Variants in NPTXR observed in about 807,000 individuals in gnomAD.
The protein encoded by NPTXR is neuronal pentraxin receptor.
A neutral mutation model predicts 32.2 loss-of-function variants in NPTXR; 12 were observed. The ratio of observed to expected loss-of-function variants is 0.37; its 90% CI spans 0.24 to 0.60. NPTXR has a LOEUF of 0.60. Among genes scored for constraint, NPTXR ranks in the 20% least tolerant of loss-of-function variants. The pLI is 0.66. For missense variants in NPTXR, 612 were observed against 682.9 expected, an observed-to-expected ratio of 0.90 and a Z score of 1.16; for synonymous variants, 323 against 315.8, an observed-to-expected ratio of 1.02 and a Z score of -0.24.
At chr22:38,840,348 T>A (rs1341639363) in intron 1 of NPTXR, among the ~76,000 whole-genome samples, 1 of 151,876 alleles carries the variant, frequency 6.6e-6, no homozygotes, top group African/African-American at 2.4e-5. Context: ...AGGAATGAAC[T>A]GAGAGAGGGG....
At chr22:38,830,863 G>T (rs565823098) in intron 1 of NPTXR, among the ~76,000 whole-genome samples, 1 of 152,192 alleles carries the variant, frequency 6.6e-6, no homozygotes, top group South Asian at 2.1e-4. Context: ...GGAGAGGGGG[G>T]ACTCTGGCCA....
In NPTXR at chr22:38,836,868, G is replaced by A. The variant is rs181345353; in HGVS notation, c.624+6367C>T. ...CTTGCTCTGTCGCCCAGGCTGTAGT[G>A]CAGTGGTGCAATCTCAGCTCACTGC... On this transcript the variant is annotated intron_variant, in intron 1 of 4. Coordinates refer to ENST00000333039, the MANE Select transcript of NPTXR (RefSeq NM_014293.4). 2.5e-3 allele frequency among the ~76,000 whole-genome samples: 377 copies of A among 152,282 alleles called. 1 individual carries two copies. The highest frequency in any genetic ancestry group is 0.02 in the Middle Eastern group (6 of 294).
rs1186996006 is a variant in NPTXR, at chr22:38,819,339, A to G, written c.*3270T>C. The G allele has an allele frequency of 1.3e-5, 2 of 152,354 alleles. No homozygotes were observed. Among genetic ancestry groups the G allele is most frequent in the African/African-American group, 4.8e-5 (2 of 41,460 alleles). 9.4% of individuals were successfully genotyped at this position (152,354 alleles called of 1,614,324 possible). ...CTCTGGCCCATGGTGGGAGGGACAC[A>G]TTCCCTGAAGCAGCTGAGCCCCCTG... is the stretch of plus-strand genomic sequence containing the variant. On this transcript the variant is annotated 3_prime_UTR_variant, in exon 5 of 5. Transcript: ENST00000333039.
At chr22:38,825,729 G>A (rs1158236349) in intron 3 of NPTXR, among the ~76,000 whole-genome samples, 1 of 152,112 alleles carries the variant, frequency 6.6e-6, no homozygotes, top group African/African-American at 2.4e-5. Context: ...TCCATAGCGG[G>A]GAGGGCCCGA....
At position 38,843,374 on chromosome 22, in the gene NPTXR, T is replaced by C; in HGVS notation, c.485A>G (p.Glu162Gly). 1 of 1,411,364 alleles carries C rather than the reference T, an allele frequency of 7.1e-7. No individual in the cohort carries two copies. Among genetic ancestry groups the C allele is most frequent in the Non-Finnish European group, 9.2e-7 (1 of 1,091,698 alleles). The allele number at this position is 1,411,364 out of a possible 1,614,324, so 87.4% of individuals were successfully genotyped here. ...CTGGAGGCCGCGCGGCAGGCCGCTC[T>C]CGCAGCGGCCCAGCTTGCCGGTGAG... The change falls in exon 1 of 5, where the codon GAG (glutamate) becomes GGG (glycine). Residue 162 changes from glutamate to glycine, a missense_variant. Transcript: ENST00000333039. This position sits in a 1 kb window ranked among gnomAD's most constrained non-coding sequence, Gnocchi z 5.3.
intron 3 of NPTXR, among the ~76,000 whole-genome samples, chr22:38,824,834 G>A (rs1603244792): frequency 6.6e-6 from 1 of 152,098 alleles, no homozygotes; most frequent in Middle Eastern, 3.4e-3. Flanking sequence ...GGTTTATTGG[G>A]CCACAAGGGA....
chr22:38,829,195 G>C (rs564056655), intron 1 of NPTXR, among the ~76,000 whole-genome samples: 1 of 152,352 alleles, frequency 6.6e-6, no homozygotes, highest in South Asian at 2.1e-4. Flanking sequence ...TTGGAGAGTT[G>C]TGGGGAGGAC....
intron 3 of NPTXR, among the ~76,000 whole-genome samples, chr22:38,825,670 T>A (rs1237672544): frequency 6.6e-6 from 1 of 151,910 alleles, no homozygotes; most frequent in Admixed American, 6.6e-5. Flanking sequence ...GAACCAAGAC[T>A]CAAACCAGCA....
chr22:38,843,518 CCCG>C lies in NPTXR; in HGVS notation c.338_340del (p.Ala113del). ...CTCTTCGCGCTCGCCCGGCGCAGCG[CCCG>C]CCGCGTCCCCCTGCTGGGCCCCCGA... On this transcript the variant is annotated inframe_deletion, in exon 1 of 5. Coordinates refer to ENST00000333039, the MANE Select transcript of NPTXR (RefSeq NM_014293.4). This position sits in a 1 kb window ranked among gnomAD's most constrained non-coding sequence, Gnocchi z 5.3. 7.9e-7 allele frequency: 1 copy of C among 1,270,538 alleles called. No homozygotes were observed. The highest frequency in any genetic ancestry group is 9.9e-7 in the Non-Finnish European group (1 of 1,009,744). 78.7% of individuals were successfully genotyped at this position (1,270,538 alleles called of 1,614,324 possible).
chr22:38,838,198 T>C (rs886518320), intron 1 of NPTXR, among the ~76,000 whole-genome samples: 2 of 135,986 alleles, frequency 1.5e-5, no homozygotes, highest in Non-Finnish European at 3.0e-5. Context: ...GTTTCGGGCG[T>C]ATCTGGCCTG....
Position 38,823,172 on chromosome 22 carries a change from G to C in NPTXR, c.1189C>G (p.Gln397Glu). The change falls in exon 4 of 5, where the codon CAG (glutamine) becomes GAG (glutamate). Residue 397 changes from glutamine (Q) to glutamate (E), a missense_variant. Transcript: ENST00000333039. ...CCGGAGCCCTGCAGCTCCCCGTCCT[G>C]GTAGGCAGACCATAGGCCATCCCTT... The C allele has an allele frequency of 1.2e-6, 2 of 1,614,092 alleles. No individual in the cohort carries two copies. The highest frequency in any genetic ancestry group is 1.7e-6 in the Non-Finnish European group (2 of 1,180,024).
intron 3 of NPTXR, among the ~76,000 whole-genome samples, chr22:38,824,330 C>T (rs933062242): frequency 6.6e-6 from 1 of 152,034 alleles, no homozygotes. Context: ...CTGAGGCCTA[C>T]GTGGTGCCTG....
At position 38,822,528 on chromosome 22, in the gene NPTXR, G is replaced by A. The variant is rs996809152; in HGVS notation, c.*81C>T. The A allele has an allele frequency of 1.2e-5, 15 of 1,255,956 alleles. No homozygotes were observed. In the African/African-American group the frequency reaches 2.1e-4, roughly 17 times the overall value. 77.8% of individuals were successfully genotyped at this position (1,255,956 alleles called of 1,614,324 possible). On this transcript the variant is annotated 3_prime_UTR_variant, in exon 5 of 5. Transcript: ENST00000333039. ...GGGGCAGGAGGGAAGGCCAGTGCGTGGGCAGGCTGAGGAGGGAATATGACC... is the reference window on the plus strand; with the variant it reads ...GGGGCAGGAGGGAAGGCCAGTGCGTAGGCAGGCTGAGGAGGGAATATGACC...
In NPTXR at chr22:38,843,331, G is replaced by C; in HGVS notation, c.528C>G (p.Arg176=). The stretch of plus-strand genomic sequence containing the variant: ...CCCAGGGCCCGTCGGCCATGGTGTC[G>C]CGGCGGGGCCCGGCGCCCTGGAGGC... Residue 176 remains arginine (R), a synonymous_variant, in exon 1 of 5, where the codon CGC becomes CGG. Transcript: ENST00000333039. The surrounding 1 kb of genome is among the most constrained non-coding windows in gnomAD (Gnocchi z 5.3). 1 of 1,418,914 alleles carries C rather than the reference G, an allele frequency of 7.0e-7. No homozygotes were observed. The highest frequency in any genetic ancestry group is 9.1e-7 in the Non-Finnish European group (1 of 1,094,358). The allele number at this position is 1,418,914 out of a possible 1,614,324, so 87.9% of individuals were successfully genotyped here. A position where few individuals can be genotyped will look rare whatever the true frequency, so the allele number is the denominator to read the frequency against.
At chr22:38,824,852 T>C (rs182579216) in intron 3 of NPTXR, among the ~76,000 whole-genome samples, 3 of 152,280 alleles carry the variant, frequency 2.0e-5, no homozygotes, top group African/African-American at 7.2e-5. Context: ...GGAAAGTCAC[T>C]GGTCCCTGGA....
chr22:38,825,450 G>A (rs2093104891), intron 3 of NPTXR, among the ~76,000 whole-genome samples: 1 of 152,108 alleles, frequency 6.6e-6, no homozygotes, highest in Middle Eastern at 3.2e-3. Context: ...CTGCTTATTA[G>A]CACAGTGCCC....
intron 1 of NPTXR, among the ~76,000 whole-genome samples, chr22:38,835,826 G>A (rs1344610850): frequency 6.6e-6 from 1 of 152,148 alleles, no homozygotes; most frequent in Non-Finnish European, 1.5e-5. Context: ...GTGAAACAAG[G>A]GCTGTGGAAG....
At chr22:38,832,441 T>C (rs746813972) in intron 1 of NPTXR, among the ~76,000 whole-genome samples, 7 of 152,206 alleles carry the variant, frequency 4.6e-5, no homozygotes, top group Non-Finnish European at 7.3e-5. Context: ...GGGGTGGGGT[T>C]TGGCGTAAGT....
At chr22:38,828,249 G>A (rs2093110527) in intron 2 of NPTXR, 38 bp downstream of exon 2, 2 of 1,537,052 alleles carry the variant, frequency 1.3e-6, no homozygotes, top group East Asian at 2.3e-5. Flanking sequence ...GTCATCCTGA[G>A]GACCCCTCCA....
Sources: gnomAD v4.1 joint callset for allele counts (sites outside exome capture counted in the v4.1 genomes callset) on GRCh38, gnomAD v4.1.1 for gene constraint, Gnocchi (gnomAD v3.1) non-coding constraint, MANE v1.5 for transcripts, NCBI Gene and HGNC (gene_info 2026-07-23, HGNC 2026-07-21) for gene names.